The following ZNF106 variants were observed in gnomAD, a reference collection of about 807,000 sequenced individuals.
The protein encoded by ZNF106 is SH3-domain binding protein 3.
ZNF106 carries 67 observed loss-of-function variants against 195.1 expected under a neutral mutation model. The ratio of observed to expected loss-of-function variants is 0.34; its 90% CI spans 0.28 to 0.42. The LOEUF (loss-of-function observed/expected upper bound fraction) is 0.42. Ranked by LOEUF, ZNF106 falls within the 10% of genes least tolerant of loss-of-function variation. The pLI is 1.00. For missense variants in ZNF106, 2,118 were observed against 2,304.5 expected, an observed-to-expected ratio of 0.92 and a Z score of 1.66; for synonymous variants, 784 against 818.6, an observed-to-expected ratio of 0.96 and a Z score of 0.72.
intron 3 of ZNF106, among the ~76,000 whole-genome samples, chr15:42,465,220 G>C (rs754688785): frequency 1.3e-5 from 2 of 149,772 alleles, no homozygotes; most frequent in Non-Finnish European, 3.0e-5. Context: ...TTTTTTAAAG[G>C]TGTCCACTTA....
intron 4 of ZNF106, among the ~76,000 whole-genome samples, chr15:42,452,955 G>C (rs1310985439): frequency 6.6e-6 from 1 of 151,956 alleles, no homozygotes; most frequent in East Asian, 1.9e-4. Context: ...CAAAGTGCTG[G>C]GATTACAGGG....
chr15:42,428,408 G>A (rs2054932998), intron 14 of ZNF106, among the ~76,000 whole-genome samples: 1 of 152,178 alleles, frequency 6.6e-6, no homozygotes, highest in African/African-American at 2.4e-5. Context: ...AGGGTACTAT[G>A]AGTTAGGTCT....
intron 1 of ZNF106, among the ~76,000 whole-genome samples, chr15:42,489,219 C>T (rs1347572647): frequency 6.8e-6 from 1 of 146,666 alleles, no homozygotes; most frequent in Non-Finnish European, 1.5e-5. Context: ...GATGGAGTTT[C>T]GTTTTTGGAG....
chr15:42,417,076 G>A lies in ZNF106; in HGVS notation c.*228C>T, dbSNP rs2054483700. On this transcript the variant is annotated 3_prime_UTR_variant, in exon 22 of 22. Transcript: ENST00000564754. ...CTATATGCCATGCTGTCCCAGAGAA[G>A]TATGGTTCCTTAACATTTGTCTAAA... 1 of 519,380 alleles carries A rather than the reference G, an allele frequency of 1.9e-6. No individual in the cohort carries two copies. The highest frequency in any genetic ancestry group is 1.9e-5 in the African/African-American group (1 of 52,096). The allele number at this position is 519,380 out of a possible 1,614,324, so 32.2% of individuals were successfully genotyped here.
rs895764265 is a variant in ZNF106 at position 42,458,053 on chromosome 15, C to G, written c.117-895G>C. ...TCTGGAAATCCCTTGACTGGGTCAG[C>G]TGACTATGCAGTCATTTATGAGAAA... On this transcript the variant is annotated intron_variant, in intron 3 of 21. Transcript: ENST00000564754. Among the ~76,000 whole-genome samples, 144 of 152,270 alleles carry G rather than the reference C, an allele frequency of 9.5e-4. 1 individual carries two copies. The highest frequency in any genetic ancestry group is 3.3e-3 in the African/African-American group (136 of 41,544).
chr15:42,490,095 T>C (rs2057113668), intron 1 of ZNF106, among the ~76,000 whole-genome samples: 1 of 151,134 alleles, frequency 6.6e-6, no homozygotes, highest in South Asian at 2.1e-4. Context: ...CCAGGTATGG[T>C]GGTGGGTGCC....
chr15:42,429,941 C>T (rs1387052073), intron 14 of ZNF106, among the ~76,000 whole-genome samples: 1 of 152,012 alleles, frequency 6.6e-6, no homozygotes, highest in East Asian at 1.9e-4. Flanking sequence ...TAATCTATGA[C>T]AGGAGTCAAA....
Position 42,491,062 on chromosome 15 carries a change from G to C in ZNF106, c.-115C>G, listed in dbSNP as rs1229296579. The C allele has an allele frequency of 6.6e-6, 1 of 152,066 alleles. No homozygotes were observed. The highest frequency in any genetic ancestry group is 1.5e-5 in the Non-Finnish European group (1 of 68,030). 9.4% of individuals were successfully genotyped at this position (152,066 alleles called of 1,614,324 possible). ...CCTGACGCCTCAGACGCCCCCTTCA[G>C]TTTTGGGTCCGGGAGCCTGCTCCGG... On this transcript the variant is annotated 5_prime_UTR_variant, in exon 1 of 22. Coordinates refer to ENST00000564754, the MANE Select transcript of ZNF106 (RefSeq NM_001366845.3).
At chr15:42,476,033 A>C (rs1287785492) in intron 1 of ZNF106, among the ~76,000 whole-genome samples, 1 of 152,230 alleles carries the variant, frequency 6.6e-6, no homozygotes, top group African/African-American at 2.4e-5. Context: ...CATACAATAT[A>C]ATAGAAATAC....
In ZNF106 at chr15:42,450,954, T is replaced by C. The variant is rs545251928; in HGVS notation, c.1318A>G (p.Lys440Glu). Reference sequence around the variant, plus strand: ...GAAGCAGCGGAATCAGAAGAGGCCTTGTGATTAAGAGATCCAGTATGTATT... The same window carrying C: ...GAAGCAGCGGAATCAGAAGAGGCCTCGTGATTAAGAGATCCAGTATGTATT... ...KEIHTGSLNHKASSDSAASFE... is the reference protein window; with the variant it reads ...KEIHTGSLNHEASSDSAASFE... The change falls in exon 5 of 22, where the codon AAG (lysine) becomes GAG (glutamate). Residue 440 changes from lysine to glutamate, a missense_variant. By Grantham distance (56) the Lys-to-Glu change is moderately conservative. Transcript: ENST00000564754. The C allele has an allele frequency of 6.2e-7, 1 of 1,614,180 alleles. No individual in the cohort carries two copies. The highest frequency in any genetic ancestry group is 2.2e-5 in the East Asian group (1 of 44,886).
intron 1 of ZNF106, among the ~76,000 whole-genome samples, chr15:42,474,309 G>T (rs1267970833): frequency 6.6e-6 from 1 of 152,152 alleles, no homozygotes; most frequent in African/African-American, 2.4e-5. Context: ...TGAGAAAAAG[G>T]ACTTTGCATA....
At position 42,424,990 on chromosome 15, in the gene ZNF106, G is replaced by A; in HGVS notation, c.5034C>T (p.Gly1678=). 6.2e-7 allele frequency: 1 copy of A among 1,614,172 alleles called. No individual in the cohort carries two copies. Among genetic ancestry groups the A allele is most frequent in the Non-Finnish European group, 8.5e-7 (1 of 1,180,034 alleles). The change falls in exon 16 of 22, where the codon GGC becomes GGT. Residue 1678 remains glycine, a synonymous_variant. Transcript: ENST00000564754. ...TAGCAAGACAGCTGACTGCCCGAGG[G>A]CCATGGCATTCAAAGATCTCAAGTC... The part of the protein sequence containing the change: ...NKRLEIFECH[G]PRAVSCLATA...
At chr15:42,472,981 G>A (rs1318402906) in intron 1 of ZNF106, among the ~76,000 whole-genome samples, 2 of 151,192 alleles carry the variant, frequency 1.3e-5, no homozygotes, top group African/African-American at 4.9e-5. Context: ...ACTCCAGCCT[G>A]GGCGACAGAG....
At position 42,421,142 on chromosome 15, in the gene ZNF106, G is replaced by A. The variant is rs762045434; in HGVS notation, c.5446-10C>T. The A allele has an allele frequency of 3.7e-6, 6 of 1,613,664 alleles. No individual in the cohort carries two copies. Among genetic ancestry groups the A allele is most frequent in the South Asian group, 2.2e-5 (2 of 91,076 alleles). On this transcript the variant is annotated splice_polypyrimidine_tract_variant and intron_variant, in intron 19 of 21. Transcript: ENST00000564754. ...AACAGCCAGTGTAAATCTGGAGAAA[G>A]AGAGGTTTATAATATCAGACCAAAA...
chr15:42,457,537 G>T (rs2056269480), intron 3 of ZNF106: 1 of 1,076,948 alleles, frequency 9.3e-7, no homozygotes, highest in Non-Finnish European at 1.1e-6. Context: ...GCACTCAGAA[G>T]GCCTGGTGAC....
chr15:42,440,997 AAATATAT>A (rs1348548463), intron 10 of ZNF106, among the ~76,000 whole-genome samples: 2 of 51,656 alleles, frequency 3.9e-5, no homozygotes. Flanking sequence ...AAAAAAAAAA[AAATATAT>A]ATATATATAT....
intron 5 of ZNF106, among the ~76,000 whole-genome samples, chr15:42,448,971 TATA>T (rs535624586): frequency 2.0e-5 from 3 of 151,582 alleles, no homozygotes; most frequent in African/African-American, 7.3e-5. Flanking sequence ...GCGCTAAATC[TATA>T]ATAATACATA....
rs748919403 is a variant in ZNF106 at position 42,435,461 on chromosome 15, C to A, written c.4804G>T (p.Val1602Phe). 6.2e-7 allele frequency: 1 copy of A among 1,614,128 alleles called. No individual in the cohort carries two copies. Among genetic ancestry groups the A allele is most frequent in the South Asian group, 1.1e-5 (1 of 91,084 alleles). ...GHTSKVNCLL[V>F]TQTSGKNAAL... ...GCATTCTTCCCGGAGGTCTGAGTAA[C>A]CAGGAGGCAGTTAACTTTGGAGGTA... The change falls in exon 14 of 22, where the codon GTT becomes TTT. Residue 1602 changes from valine to phenylalanine, a missense_variant. Transcript: ENST00000564754.
chr15:42,450,757 G>C lies in ZNF106; in HGVS notation c.1515C>G (p.Ser505=). The C allele has an allele frequency of 6.2e-7, 1 of 1,613,930 alleles. No individual in the cohort carries two copies. Among genetic ancestry groups the C allele is most frequent in the African/African-American group, 1.3e-5 (1 of 74,970 alleles). The change falls in exon 5 of 22, where the codon TCC becomes TCG. Residue 505 remains serine, a synonymous_variant. Transcript: ENST00000564754. ...ISKNTKTNFF[S]PGEHSNPSNK... ...TCGAGGGATTTGAGTGTTCTCCAGG[G>C]GAAAAAAAATTTGTTTTGGTGTTTT...
Sources: gnomAD v4.1 joint callset for allele counts (sites outside exome capture counted in the v4.1 genomes callset) on GRCh38, gnomAD v4.1.1 for gene constraint, MANE v1.5 for transcripts, NCBI Gene and HGNC (gene_info 2026-07-23, HGNC 2026-07-21) for gene names.